Variants in APP observed in about 807,000 individuals in gnomAD.
The protein encoded by APP is amyloid beta precursor protein, also known as amyloid-beta precursor protein.
APP carries 31 observed loss-of-function variants against 101.4 expected under a neutral mutation model. The observed-to-expected ratio is 0.31, with a 90% CI of 0.23 to 0.41. The LOEUF (loss-of-function observed/expected upper bound fraction) is 0.41. Among genes scored for constraint, APP ranks in the 10% least tolerant of loss-of-function variants. The pLI, the probability that APP is intolerant of heterozygous loss-of-function variation, is 1.00. For synonymous variants in APP, 366 were observed against 364.4 expected (o/e 1.00, Z -0.05); for missense variants, 839 against 1,003.7 (o/e 0.84, Z 2.22).
Position 26,006,059 on chromosome 21 carries a change from T to C in APP, c.866-5877A>G, listed in dbSNP as rs188835004. On this transcript the variant is annotated intron_variant, in intron 6 of 17. Transcript: ENST00000346798. ...GTAAAATACTGAGAAAACTAACATT[T>C]TGAAATCATTTTTGAAATCAAACTT... Among the ~76,000 whole-genome samples, 424 of 152,298 alleles carry C rather than the reference T, an allele frequency of 2.8e-3. 2 individuals carry two copies. Among genetic ancestry groups the C allele is most frequent in the African/African-American group, 9.5e-3 (394 of 41,548 alleles).
At chr21:26,035,766 C>A (rs141631275) in intron 5 of APP, among the ~76,000 whole-genome samples, 7 of 151,992 alleles carry the variant, frequency 4.6e-5, no homozygotes, top group Admixed American at 3.9e-4. Flanking sequence ...GGAGAGAGAA[C>A]GAGAGCAGAG....
chr21:25,909,452 CA>C (rs1235010324), intron 14 of APP, among the ~76,000 whole-genome samples: 25 of 152,142 alleles, frequency 1.6e-4, no homozygotes, highest in African/African-American at 6.0e-4. Context: ...AATCATCCAA[CA>C]AGAATATCAG....
intron 14 of APP, among the ~76,000 whole-genome samples, chr21:25,908,576 G>A (rs1477909766): frequency 6.6e-6 from 1 of 151,754 alleles, no homozygotes; most frequent in Non-Finnish European, 1.5e-5. Context: ...CTTTAGGACT[G>A]TATCTCATTA....
intron 2 of APP, among the ~76,000 whole-genome samples, chr21:26,103,198 C>T (rs1169112072): frequency 1.3e-5 from 2 of 152,284 alleles, no homozygotes; most frequent in East Asian, 3.9e-4. Context: ...GGATTTATGA[C>T]TTTACTATTG....
chr21:25,896,223 T>C (rs1362702834), intron 16 of APP, among the ~76,000 whole-genome samples: 2 of 152,146 alleles, frequency 1.3e-5, no homozygotes, highest in African/African-American at 4.8e-5. Flanking sequence ...GCTAAATGTC[T>C]TTCTACAAAA....
At chr21:26,061,123 C>G (rs917606760) in intron 3 of APP, among the ~76,000 whole-genome samples, 1 of 152,012 alleles carries the variant, frequency 6.6e-6, no homozygotes, top group Non-Finnish European at 1.5e-5. Context: ...AGAGGTGGTG[C>G]GTGTTCTCAG....
intron 2 of APP, among the ~76,000 whole-genome samples, chr21:26,102,081 G>GT (rs1568976274): frequency 4.2e-4 from 56 of 133,612 alleles, no homozygotes; most frequent in African/African-American, 1.3e-3. Context: ...AAAACTATGT[G>GT]GTTTTTTTTT....
chr21:26,102,082 G>GTTTTT (rs35680514), intron 2 of APP, among the ~76,000 whole-genome samples: 19 of 101,156 alleles, frequency 1.9e-4, no homozygotes, highest in South Asian at 3.6e-4. Flanking sequence ...AAACTATGTG[G>GTTTTT]TTTTTTTTTT....
intron 5 of APP, among the ~76,000 whole-genome samples, chr21:26,047,531 T>C (rs939100868): frequency 2.6e-5 from 4 of 152,206 alleles, no homozygotes; most frequent in African/African-American, 9.7e-5. Flanking sequence ...CCTGCCCGCC[T>C]GCAGGGCTAC....
At chr21:26,169,252 CCA>C (rs1484252047) in intron 1 of APP, 2 of 152,284 alleles carry the variant, frequency 1.3e-5, no homozygotes, top group African/African-American at 4.8e-5. Context: ...GCTGCAGCCT[CCA>C]CACAGCTTTT....
intron 3 of APP, among the ~76,000 whole-genome samples, chr21:26,075,726 A>C (rs1021800507): frequency 6.6e-5 from 10 of 152,216 alleles, no homozygotes; most frequent in African/African-American, 2.4e-4. Context: ...ACATCGAATA[A>C]GAGAAATAAT....
intron 1 of APP, among the ~76,000 whole-genome samples, chr21:26,152,051 G>A (rs980767451): frequency 6.6e-6 from 1 of 151,788 alleles, no homozygotes; most frequent in East Asian, 1.9e-4. Flanking sequence ...CCGAGGCGGG[G>A]GGATCACGAG....
chr21:26,000,091 G>C lies in APP; in HGVS notation c.957C>G (p.Phe319Leu). The C allele has an allele frequency of 6.2e-7, 1 of 1,614,204 alleles. No homozygotes were observed. Among genetic ancestry groups the C allele is most frequent in the Non-Finnish European group, 8.5e-7 (1 of 1,180,030 alleles). Residue 319 changes from phenylalanine to leucine, a missense_variant, in exon 7 of 18, where the codon TTC becomes TTG. By Grantham distance (22) the Phe-to-Leu change is conservative (BLOSUM62 0). Transcript: ENST00000346798. ...FDVTEGKCAPFFYGGCGGNRN... is the reference protein window; with the variant it reads ...FDVTEGKCAPLFYGGCGGNRN... ...GGTTGCCGCCACATCCGCCGTAAAA[G>C]AATGGGGCACACTTCCCTTCAGTCA...
At chr21:25,911,135 C>G (rs1180822074) in intron 14 of APP, among the ~76,000 whole-genome samples, 1 of 152,232 alleles carries the variant, frequency 6.6e-6, no homozygotes, top group Non-Finnish European at 1.5e-5. Context: ...AACTTAGTCT[C>G]CTGGTGCCTC....
intron 1 of APP, among the ~76,000 whole-genome samples, chr21:26,163,974 C>T (rs553107071): frequency 5.6e-4 from 86 of 152,312 alleles, no homozygotes; most frequent in African/African-American, 2.0e-3. Context: ...CAGCTGGGCG[C>T]GGTGGCTCAC....
In APP at chr21:26,138,239, A is replaced by T. The variant is rs567621815; in HGVS notation, c.58-26093T>A. Among the ~76,000 whole-genome samples, 3 of 152,312 alleles carry T rather than the reference A, an allele frequency of 2.0e-5. No individual in the cohort carries two copies. In the East Asian group the frequency reaches 5.8e-4, roughly 29 times the overall value. ...CAGGGGGAGGTGCTGAAACAAGAAC[A>T]GCAAAATGTGGTCAATTTTTGAAGC... On this transcript the variant is annotated intron_variant, in intron 1 of 17. Transcript: ENST00000346798.
intron 3 of APP, among the ~76,000 whole-genome samples, chr21:26,078,691 A>C (rs974353298): frequency 2.0e-5 from 3 of 152,164 alleles, no homozygotes; most frequent in Non-Finnish European, 4.4e-5. Context: ...TGTCACACAC[A>C]AATTCTGTTT....
intron 5 of APP, among the ~76,000 whole-genome samples, chr21:26,049,855 A>C (rs572796787): frequency 1.3e-5 from 2 of 152,330 alleles, no homozygotes; most frequent in Non-Finnish European, 1.5e-5. Context: ...GGAATATCAA[A>C]GCTATAAACC....
intron 1 of APP, among the ~76,000 whole-genome samples, chr21:26,156,252 C>G (rs369468967): frequency 2.0e-5 from 3 of 152,168 alleles, no homozygotes; most frequent in East Asian, 3.9e-4. Flanking sequence ...ATGAATAGAC[C>G]ATTTTTATTT....
Sources: allele counts gnomAD v4.1 joint callset (sites outside exome capture counted in the v4.1 genomes callset), GRCh38; gene constraint gnomAD v4.1.1; transcripts MANE v1.5; gene names NCBI Gene and HGNC (gene_info 2026-07-23, HGNC 2026-07-21).